The following JMJD1C variants were observed in gnomAD, a reference collection of about 807,000 sequenced individuals.
JMJD1C encodes jumonji domain-containing protein 1C.
In JMJD1C, 31 loss-of-function variants were observed where a neutral mutation model predicts 245.3. That is an observed-to-expected ratio of 0.13 (90% confidence interval 0.09 to 0.17). The LOEUF is 0.17. Among genes scored for constraint, JMJD1C ranks in the 10% least tolerant of loss-of-function variants. JMJD1C has a pLI of 1.00. For missense variants in JMJD1C, 2,691 were observed against 3,000.2 expected, an observed-to-expected ratio of 0.90 and a Z score of 2.41; for synonymous variants, 1,057 against 1,017.4, an observed-to-expected ratio of 1.04 and a Z score of -0.74.
chr10:63,298,500 T>C (rs1049949158), intron 2 of JMJD1C, among the ~76,000 whole-genome samples: 1 of 152,186 alleles, frequency 6.6e-6, no homozygotes, highest in Non-Finnish European at 1.5e-5. Context: ...ACACTGTGTA[T>C]CTCTGTATCC....
chr10:63,395,395 G>A (rs1255463445), intron 1 of JMJD1C, among the ~76,000 whole-genome samples: 5 of 152,202 alleles, frequency 3.3e-5, no homozygotes, highest in Admixed American at 2.6e-4. Context: ...GGAGAATGGC[G>A]TGAACCCAGG....
rs117578430 is a variant in JMJD1C at position 63,520,548 on chromosome 10, G to A, written n.113+1190C>T. ...AGTTTTAAAAGTCTGCCCTTGAAAT[G>A]ATATTTGCAAGAACAGCAAGGTGTA... On this transcript the variant is annotated intron_variant and non_coding_transcript_variant, in intron 1 of 3. Transcript: ENST00000633035. 4.8e-3 allele frequency among the ~76,000 whole-genome samples: 714 copies of A among 148,368 alleles called. 5 individuals carry two copies. Among genetic ancestry groups the A allele is most frequent in the Middle Eastern group, 0.014 (4 of 280 alleles).
chr10:63,308,807 A>T (rs764214187), intron 2 of JMJD1C, among the ~76,000 whole-genome samples: 49 of 151,622 alleles, frequency 3.2e-4, no homozygotes, highest in Non-Finnish European at 6.9e-4. Context: ...AAAAAACAAC[A>T]ACTAAAGAAA....
intron 3 of JMJD1C, among the ~76,000 whole-genome samples, chr10:63,226,343 G>GT (rs1849275593): frequency 6.6e-6 from 1 of 152,084 alleles, no homozygotes; most frequent in African/African-American, 2.4e-5. Context: ...CCCAAATGCT[G>GT]TTTTTTTCTA....
intron 1 of JMJD1C, among the ~76,000 whole-genome samples, chr10:63,389,997 G>A (rs772614127): frequency 5.3e-5 from 8 of 151,886 alleles, no homozygotes; most frequent in Admixed American, 6.6e-5. Flanking sequence ...AATAGAACAC[G>A]GCAAGCCCAA....
intron 2 of JMJD1C, among the ~76,000 whole-genome samples, chr10:63,330,929 T>C (rs1357301608): frequency 6.6e-6 from 1 of 152,184 alleles, no homozygotes; most frequent in Non-Finnish European, 1.5e-5. Context: ...ATCTCTGATA[T>C]AAACTGTTCA....
intron 3 of JMJD1C, among the ~76,000 whole-genome samples, chr10:63,249,540 GAAT>G (rs924779176): frequency 2.6e-5 from 4 of 152,112 alleles, no homozygotes; most frequent in Non-Finnish European, 5.9e-5. Context: ...AGGTGGAAGA[GAAT>G]AATTTGTTTA....
chr10:63,180,839 G>A (rs1163827258), intron 22 of JMJD1C, among the ~76,000 whole-genome samples: 2 of 150,826 alleles, frequency 1.3e-5, no homozygotes, highest in African/African-American at 4.9e-5. Context: ...CGGGATCTCG[G>A]CTCACTGCAA....
In JMJD1C at chr10:63,500,752, G is replaced by GATGA. The variant is rs758137882; in HGVS notation, n.113+20985_113+20986insTCAT. 9.1e-3 allele frequency among the ~76,000 whole-genome samples: 1,341 copies of GATGA among 147,200 alleles called. 12 individuals are homozygous for GATGA. Among genetic ancestry groups the GATGA allele is most frequent in the Middle Eastern group, 0.055 (16 of 292 alleles). On this transcript the variant is annotated intron_variant and non_coding_transcript_variant, in intron 1 of 3. Coordinates refer to the JMJD1C transcript ENST00000633035. ...GGATGGATGGATGGATGGAAGGATG[G>GATGA]ATGGATGGATGGATGGATGGATGGA...
rs766820485 is a variant in JMJD1C at position 63,168,613 on chromosome 10, G to A, written c.7402-47C>T. Reference sequence around the variant, plus strand: ...TGAAATACAAGTTTTAGGAGGTGGAGCAAAGAAAAGCCAAGTTATTTAAAA... The same window carrying A: ...TGAAATACAAGTTTTAGGAGGTGGAACAAAGAAAAGCCAAGTTATTTAAAA... On this transcript the variant is annotated intron_variant, in intron 24 of 25. Coordinates refer to ENST00000399262, the MANE Select transcript of JMJD1C (RefSeq NM_032776.3). The A allele has an allele frequency of 2.0e-6, 3 of 1,498,098 alleles. No individual in the cohort carries two copies. In the South Asian group the frequency reaches 4.1e-5, roughly 20 times the overall value. The allele number at this position is 1,498,098 out of a possible 1,614,324, so 92.8% of individuals were successfully genotyped here.
At chr10:63,295,887 GTA>G (rs745871180) in intron 2 of JMJD1C, among the ~76,000 whole-genome samples, 19 of 136,076 alleles carry the variant, frequency 1.4e-4, no homozygotes, top group African/African-American at 4.3e-4. Flanking sequence ...CTATATATAT[GTA>G]TATATATATA....
intron 8 of JMJD1C, among the ~76,000 whole-genome samples, chr10:63,209,589 A>G (rs1847081069): frequency 6.6e-6 from 1 of 152,228 alleles, no homozygotes; most frequent in Non-Finnish European, 1.5e-5. Context: ...GCTAACAGTA[A>G]AAACAGAATA....
At chr10:63,428,988 G>C (rs1194857824) in intron 1 of JMJD1C, among the ~76,000 whole-genome samples, 2 of 151,426 alleles carry the variant, frequency 1.3e-5, no homozygotes, top group Non-Finnish European at 2.9e-5. Context: ...TTCTTTTGGT[G>C]GGGGGGAGGG....
At chr10:63,295,026 T>TA (rs5785566) in intron 2 of JMJD1C, among the ~76,000 whole-genome samples, 64,551 of 151,600 alleles carry the variant, frequency 0.43, 14,382 homozygotes, top group South Asian at 0.53. Context: ...TCATCAAATT[T>TA]AAAAAACAGC....
intron 23 of JMJD1C, chr10:63,176,918 C>T (rs183373966): frequency 5.4e-4 from 82 of 152,636 alleles, no homozygotes; most frequent in African/African-American, 1.9e-3. Flanking sequence ...AACCTTCTAA[C>T]ACTTGAAAAA....
intron 2 of JMJD1C, among the ~76,000 whole-genome samples, chr10:63,294,488 GC>G (rs1211499598): frequency 5.3e-5 from 8 of 152,022 alleles, no homozygotes; most frequent in Non-Finnish European, 1.0e-4. Context: ...GTTTCACCAT[GC>G]TGGCCAGGAT....
intron 2 of JMJD1C, among the ~76,000 whole-genome samples, chr10:63,363,010 A>G (rs978360385): frequency 2.0e-5 from 3 of 151,966 alleles, no homozygotes; most frequent in Admixed American, 2.0e-4. Context: ...TCCTCTAATC[A>G]TTTCAGGGGG....
intron 1 of JMJD1C, among the ~76,000 whole-genome samples, chr10:63,414,498 G>A (rs533563518): frequency 6.6e-5 from 10 of 152,158 alleles, no homozygotes; most frequent in Non-Finnish European, 1.5e-4. Context: ...CTCTCATAAT[G>A]TGAGCACCGT....
chr10:63,188,027 T>G (rs1434832456), intron 18 of JMJD1C, among the ~76,000 whole-genome samples: 1 of 152,182 alleles, frequency 6.6e-6, no homozygotes, highest in East Asian at 1.9e-4. Flanking sequence ...CTAATGTTCT[T>G]GTATATGTCC....
Sources: gnomAD v4.1 joint callset for allele counts (sites outside exome capture counted in the v4.1 genomes callset) on GRCh38, gnomAD v4.1.1 for gene constraint, MANE v1.5 for transcripts, NCBI Gene and HGNC (gene_info 2026-07-23, HGNC 2026-07-21) for gene names.